Variants in RYR2 observed in about 807,000 individuals in gnomAD.
RYR2 encodes the protein cardiac muscle ryanodine receptor-calcium release channel.
In RYR2, 227 loss-of-function variants were observed where a neutral mutation model predicts 601.1. That is an observed-to-expected ratio of 0.38 (90% CI 0.34 to 0.42). The LOEUF (loss-of-function observed/expected upper bound fraction) is 0.42. Ranked by LOEUF, RYR2 falls within the 10% of genes least tolerant of loss-of-function variation. The pLI, the probability that RYR2 is intolerant of heterozygous loss-of-function variation, is 1.00. For missense variants in RYR2, 4,646 were observed against 6,156.5 expected, an observed-to-expected ratio of 0.75 and a Z score of 8.21; for synonymous variants, 2,223 against 2,175.1, an observed-to-expected ratio of 1.02 and a Z score of -0.61.
intron 1 of RYR2, among the ~76,000 whole-genome samples, chr1:237,102,866 A>G (rs1031180593): frequency 6.6e-6 from 1 of 152,232 alleles, no homozygotes; most frequent in Non-Finnish European, 1.5e-5. Flanking sequence ...AAAAATAATA[A>G]TAATTTGATA....
At position 237,334,245 on chromosome 1, in the gene RYR2, A is replaced by G. The variant is rs553331515; in HGVS notation, c.273+3263A>G. Among the ~76,000 whole-genome samples the G allele has an allele frequency of 5.3e-5, 8 of 152,234 alleles. No individual in the cohort carries two copies. In the East Asian group the frequency reaches 1.5e-3, roughly 29 times the overall value. On this transcript the variant is annotated intron_variant, in intron 3 of 104. Coordinates refer to ENST00000366574, the MANE Select transcript of RYR2 (RefSeq NM_001035.3). ...TCCCAATGTCATTTGTGACAAAGTA[A>G]ATCATGAACATTACGATAACAGAAG... is the stretch of plus-strand genomic sequence containing the variant.
At position 237,718,484 on chromosome 1, in the gene RYR2, G is replaced by A. The variant is rs748805290; in HGVS notation, c.10517G>A (p.Arg3506Gln). 33 of 1,595,404 alleles carry A rather than the reference G, an allele frequency of 2.1e-5. No homozygotes were observed. In the Middle Eastern group the frequency reaches 6.6e-4, roughly 32 times the overall value. The change falls in exon 73 of 105, where the codon CGA becomes CAA. Residue 3506 changes from arginine (R) to glutamine (Q), a missense_variant. Physicochemically the swap from Arg to Gln is conservative, Grantham distance 43. Around this residue, in one of 17 missense-constraint regions of RYR2, gnomAD observed 1,497 missense variants for 1,842.6 expected, o/e 0.81. Coordinates refer to ENST00000366574, the MANE Select transcript of RYR2 (RefSeq NM_001035.3). Reference protein sequence around the residue: ...FSLKDTEDEVRDIIRSNIHLQ... With the variant: ...FSLKDTEDEVQDIIRSNIHLQ... ...CAGAAAGATACCGAGGATGAAGTAC[G>A]AGATATAATCCGCAGCAATATTCAT...
In RYR2 at chr1:237,610,208, G is replaced by A. The variant is rs1305176968; in HGVS notation, c.4684-554G>A. On this transcript the variant is annotated intron_variant, in intron 35 of 104. Coordinates refer to ENST00000366574, the MANE Select transcript of RYR2 (RefSeq NM_001035.3). This position sits in a 1 kb window ranked among gnomAD's most constrained non-coding sequence, Gnocchi z 4.9. ...ATGGCTGAAGATGATACTGGAGGTG[G>A]AGGAGAAATAAGTAGGTTTGTTAAT... is the stretch of plus-strand genomic sequence containing the variant. Among the ~76,000 whole-genome samples the A allele has an allele frequency of 6.6e-6, 1 of 152,188 alleles. No individual in the cohort carries two copies. Among genetic ancestry groups the A allele is most frequent in the Non-Finnish European group, 1.5e-5 (1 of 68,034 alleles).
intron 84 of RYR2, 89 bp from the exon 85 acceptor site, chr1:237,770,718 C>G (rs971568443): frequency 1.3e-6 from 1 of 796,048 alleles, no homozygotes; most frequent in African/African-American, 1.7e-5. Context: ...AATGCTAGAT[C>G]AACATGCAAG....
chr1:237,410,352 GA>G (rs1704320829), intron 10 of RYR2, among the ~76,000 whole-genome samples: 1 of 152,152 alleles, frequency 6.6e-6, no homozygotes. Flanking sequence ...TCTAGATTTA[GA>G]AATGTTATTC....
chr1:237,296,485 T>G (rs1198804043), intron 2 of RYR2, among the ~76,000 whole-genome samples: 3 of 152,124 alleles, frequency 2.0e-5, no homozygotes, highest in Non-Finnish European at 4.4e-5. Context: ...GAAAGAGGAA[T>G]TAAAGAGTTT....
intron 103 of RYR2, among the ~76,000 whole-genome samples, chr1:237,830,887 T>C (rs1332745607): frequency 6.6e-6 from 1 of 152,142 alleles, no homozygotes; most frequent in East Asian, 1.9e-4. Context: ...GCAGGGCCTC[T>C]GTGGGAGTCT....
chr1:237,791,577 A>T, intron 93 of RYR2, 62 bp downstream of exon 93: 1 of 870,482 alleles, frequency 1.1e-6, no homozygotes, highest in Non-Finnish European at 1.9e-6. Flanking sequence ...GAATGTAAAG[A>T]TTTCACGATG....
intron 1 of RYR2, among the ~76,000 whole-genome samples, chr1:237,219,597 G>A (rs1683575887): frequency 6.6e-6 from 1 of 152,180 alleles, no homozygotes; most frequent in Admixed American, 6.5e-5. Flanking sequence ...TTCCCTTGGG[G>A]CACGTGGCTG....
At chr1:237,143,093 C>G (rs995186553) in intron 1 of RYR2, among the ~76,000 whole-genome samples, 1 of 152,112 alleles carries the variant, frequency 6.6e-6, no homozygotes, top group African/African-American at 2.4e-5. Context: ...GGTCCCTAAC[C>G]AGAAATTCAT....
intron 24 of RYR2, among the ~76,000 whole-genome samples, chr1:237,512,082 G>A (rs938320941): frequency 1.3e-5 from 2 of 152,266 alleles, no homozygotes; most frequent in Admixed American, 6.5e-5. Context: ...ATAGGATACA[G>A]GTCCACAGAA....
intron 1 of RYR2, among the ~76,000 whole-genome samples, chr1:237,261,411 A>G (rs1396078295): frequency 6.6e-6 from 1 of 151,902 alleles, no homozygotes; most frequent in Non-Finnish European, 1.5e-5. Context: ...CTCATCTCCC[A>G]CCCACTTCCC....
intron 8 of RYR2, among the ~76,000 whole-genome samples, chr1:237,378,266 A>G (rs1361607799): frequency 6.6e-6 from 1 of 152,210 alleles, no homozygotes; most frequent in Non-Finnish European, 1.5e-5. Flanking sequence ...ATTCAAGATG[A>G]GATTCGGGTG....
intron 1 of RYR2, among the ~76,000 whole-genome samples, chr1:237,261,726 T>G (rs932782217): frequency 6.6e-6 from 1 of 152,164 alleles, no homozygotes; most frequent in Non-Finnish European, 1.5e-5. Context: ...CGAGACCCTG[T>G]CTCCACATCG....
intron 16 of RYR2, among the ~76,000 whole-genome samples, chr1:237,467,921 C>T (rs1373038576): frequency 1.3e-5 from 2 of 149,760 alleles, no homozygotes; most frequent in African/African-American, 2.5e-5. Flanking sequence ...TGCGGTGGCA[C>T]GATCTTGGCT....
At chr1:237,799,871 C>T (rs1480647461) in intron 97 of RYR2, among the ~76,000 whole-genome samples, 1 of 152,134 alleles carries the variant, frequency 6.6e-6, no homozygotes. Flanking sequence ...TCATTTGCGT[C>T]CTCACTGGGG....
chr1:237,125,975 G>A (rs534014600), intron 1 of RYR2, among the ~76,000 whole-genome samples: 38 of 152,286 alleles, frequency 2.5e-4, no homozygotes, highest in African/African-American at 9.1e-4. Flanking sequence ...AGTGGCTCAC[G>A]CCTATAATCC....
At chr1:237,370,821 C>T (rs929131318) in intron 6 of RYR2, among the ~76,000 whole-genome samples, 4 of 151,922 alleles carry the variant, frequency 2.6e-5, no homozygotes, top group Non-Finnish European at 5.9e-5. Flanking sequence ...CCACCACACC[C>T]AGCTAATTTT....
chr1:237,623,118 A>G (rs1305998920), intron 38 of RYR2, among the ~76,000 whole-genome samples: 1 of 152,242 alleles, frequency 6.6e-6, no homozygotes, highest in East Asian at 1.9e-4. Context: ...AATACTTTTT[A>G]AAAATAGCAT....
Sources: gnomAD v4.1 joint callset for allele counts (sites outside exome capture counted in the v4.1 genomes callset) on GRCh38, gnomAD v4.1.1 for gene constraint, gnomAD v4.1.1 regional missense constraint, Gnocchi (gnomAD v3.1) non-coding constraint, MANE v1.5 for transcripts, NCBI Gene and HGNC (gene_info 2026-07-23, HGNC 2026-07-21) for gene names.